Variants in SEC24B observed in about 807,000 individuals in gnomAD.
SEC24B encodes protein transport protein Sec24B.
In SEC24B, 45 loss-of-function variants were observed where a neutral mutation model predicts 142.8. The ratio of observed to expected loss-of-function variants is 0.32; its 90% confidence interval spans 0.25 to 0.40. The LOEUF (loss-of-function observed/expected upper bound fraction) is 0.40, where lower values mean the gene tolerates loss of function less well. SEC24B is among the 10% of genes least tolerant of loss of function. The pLI, the probability that SEC24B is intolerant of heterozygous loss-of-function variation, is 1.00. For missense variants in SEC24B, 1,409 were observed against 1,526.8 expected, an observed-to-expected ratio of 0.92 and a Z score of 1.29; for synonymous variants, 574 against 568.2, an observed-to-expected ratio of 1.01 and a Z score of -0.15.
Position 109,493,281 on chromosome 4 carries a change from GA to G in SEC24B, c.1247-1323del, listed in dbSNP as rs11368436. 3.2e-3 allele frequency among the ~76,000 whole-genome samples: 464 copies of G among 146,296 alleles called. 1 individual carries two copies. The highest frequency in any genetic ancestry group is 4.9e-3 in the Non-Finnish European group (322 of 65,976). On this transcript the variant is annotated intron_variant, in intron 5 of 23. Transcript: ENST00000265175. ...CCAATAAGGAGATGTGATTCTTCAA[GA>G]AAAAAAAAAATAGATTGATTCAGTT...
intron 19 of SEC24B, 119 bp from the exon 20 acceptor site, chr4:109,531,266 A>G: frequency 1.3e-6 from 1 of 799,348 alleles, no homozygotes; most frequent in Non-Finnish European, 2.0e-6. Flanking sequence ...TGAGAATTGA[A>G]TCTAGGTCTG....
rs145789013 is a variant in SEC24B, at chr4:109,459,119, C to T, written c.134-3782C>T. On this transcript the variant is annotated intron_variant, in intron 1 of 23. Transcript: ENST00000265175. ...TAATGCACTGTGTTGCTCTACTCTTCGAAAAAATAGTTCTTTCTTGGAATA... is the reference window on the plus strand; with the variant it reads ...TAATGCACTGTGTTGCTCTACTCTTTGAAAAAATAGTTCTTTCTTGGAATA... 6.6e-5 allele frequency among the ~76,000 whole-genome samples: 10 copies of T among 151,988 alleles called. 1 individual carries two copies. The highest frequency in any genetic ancestry group is 1.4e-4 in the African/African-American group (6 of 41,476).
intron 11 of SEC24B, among the ~76,000 whole-genome samples, chr4:109,518,900 A>G (rs1376870056): frequency 6.9e-6 from 1 of 144,748 alleles, no homozygotes; most frequent in Non-Finnish European, 1.5e-5. Context: ...TTGACCTCCC[A>G]GGCTCAAGTG....
At position 109,503,189 on chromosome 4, in the gene SEC24B, A is replaced by C. The variant is rs190389954; in HGVS notation, c.1489-3139A>C. On this transcript the variant is annotated intron_variant, in intron 6 of 23. Transcript: ENST00000265175. Reference sequence around the variant, plus strand: ...ATTCTCCTGCCTCAGACTCCCGAGTAGCTGGGACTACAGGCATGTGCCACT... The same window carrying C: ...ATTCTCCTGCCTCAGACTCCCGAGTCGCTGGGACTACAGGCATGTGCCACT... Among the ~76,000 whole-genome samples the C allele has an allele frequency of 8.4e-3, 1,269 of 150,640 alleles. 24 individuals are homozygous for C. The highest frequency in any genetic ancestry group is 0.03 in the African/African-American group (1,209 of 40,958).
At position 109,539,786 on chromosome 4, in the gene SEC24B, C is replaced by T. The variant is rs907198101; in HGVS notation, c.*111C>T. On this transcript the variant is annotated 3_prime_UTR_variant, in exon 24 of 24. Transcript: ENST00000265175. ...AGGCATTTGTTAATACAAGATGCAA[C>T]GCACAGCACTCTGTCTGAGGCTTTG... is the stretch of plus-strand genomic sequence containing the variant. 6.5e-5 allele frequency: 44 copies of T among 674,494 alleles called. No homozygotes were observed. In the Admixed American group the frequency reaches 7.7e-4, roughly 12 times the overall value. The allele number at this position is 674,494 out of a possible 1,614,324, so 41.8% of individuals were successfully genotyped here.
rs139064593 is a variant in SEC24B at position 109,494,741 on chromosome 4, C to A, written c.1373C>A (p.Pro458His). ...VVPQPSKMAK[P>H]FGYGYPTLQP... ...CCTCAGCCTTCAAAAATGGCTAAGC[C>A]TTTTGGCTATGGCTATCCAACACTT... The change falls in exon 6 of 24, where the codon CCT becomes CAT. Residue 458 changes from proline to histidine, a missense_variant. By Grantham distance (77) the Pro-to-His change is moderately conservative. Coordinates refer to ENST00000265175, the MANE Select transcript of SEC24B (RefSeq NM_006323.5). The A allele has an allele frequency of 6.2e-7, 1 of 1,614,212 alleles. No homozygotes were observed. Among genetic ancestry groups the A allele is most frequent in the East Asian group, 2.2e-5 (1 of 44,886 alleles).
chr4:109,498,432 G>A (rs936137101), intron 6 of SEC24B, among the ~76,000 whole-genome samples: 20 of 152,016 alleles, frequency 1.3e-4, no homozygotes, highest in East Asian at 7.7e-4. Flanking sequence ...ATCTCGGCTC[G>A]CGGCTCACTG....
intron 2 of SEC24B, among the ~76,000 whole-genome samples, chr4:109,467,503 A>G (rs1732073082): frequency 6.6e-6 from 1 of 152,172 alleles, no homozygotes; most frequent in African/African-American, 2.4e-5. Context: ...GTAACCTAGT[A>G]TAGAATTGTA....
At chr4:109,525,274 A>G in intron 15 of SEC24B, 72 bp from the exon 16 acceptor site, 1 of 1,259,510 alleles carries the variant, frequency 7.9e-7, no homozygotes, top group Non-Finnish European at 1.1e-6. Context: ...ATAATGTAGA[A>G]TCTGTACTAC....
intron 3 of SEC24B, among the ~76,000 whole-genome samples, chr4:109,476,590 GTTTTGCTTTA>G (rs1561107592): frequency 6.6e-6 from 1 of 152,116 alleles, no homozygotes; most frequent in Non-Finnish European, 1.5e-5. Flanking sequence ...GTATCATTCT[GTTTTGCTTTA>G]TTTTGCTTTT....
chr4:109,462,974 A>T lies in SEC24B; in HGVS notation c.207A>T (p.Gly69=), dbSNP rs1561085927. ...ATCAAAACTATATTGCTCCCTCAGG[A>T]CATTACTCTCAAGGACCTGGGAAAA... ...LHHQNYIAPS[G]HYSQGPGKMT... is the part of the protein sequence containing the mutation. Residue 69 remains glycine, a synonymous_variant, in exon 2 of 24, where the codon GGA becomes GGT. Coordinates refer to ENST00000265175, the MANE Select transcript of SEC24B (RefSeq NM_006323.5). The T allele has an allele frequency of 1.9e-6, 3 of 1,613,970 alleles. No homozygotes were observed. The highest frequency in any genetic ancestry group is 2.5e-6 in the Non-Finnish European group (3 of 1,180,016).
At position 109,527,135 on chromosome 4, in the gene SEC24B, C is replaced by G. The variant is rs941069442; in HGVS notation, c.2966-187C>G. ...TTGGGAGGCTGAGGCAGGAGAATCACTTGAACCTAGGAGACAGAAGTTGCA... is the reference window on the plus strand; with the variant it reads ...TTGGGAGGCTGAGGCAGGAGAATCAGTTGAACCTAGGAGACAGAAGTTGCA... On this transcript the variant is annotated intron_variant, in intron 17 of 23. Coordinates refer to ENST00000265175, the MANE Select transcript of SEC24B (RefSeq NM_006323.5). Among the ~76,000 whole-genome samples, 54 of 151,340 alleles carry G rather than the reference C, an allele frequency of 3.6e-4. 1 individual carries two copies. Among genetic ancestry groups the G allele is most frequent in the Middle Eastern group, 3.4e-3 (1 of 294 alleles).
At chr4:109,502,751 G>A (rs1736280037) in intron 6 of SEC24B, among the ~76,000 whole-genome samples, 1 of 152,150 alleles carries the variant, frequency 6.6e-6, no homozygotes, top group Admixed American at 6.6e-5. Flanking sequence ...GAGAAATAAT[G>A]TACCAATGTA....
Position 109,458,977 on chromosome 4 carries a change from AGT to A in SEC24B, c.134-3923_134-3922del, listed in dbSNP as rs552846578. 2.6e-3 allele frequency among the ~76,000 whole-genome samples: 397 copies of A among 152,328 alleles called. 1 individual carries two copies. Among genetic ancestry groups the A allele is most frequent in the African/African-American group, 9.0e-3 (373 of 41,574 alleles). Reference sequence around the variant, plus strand: ...ATTTTAGAAGTATTAAAATACCAGCAGTCTTTTCATACATGCTGCAGAATCAT... The same window carrying A: ...ATTTTAGAAGTATTAAAATACCAGCACTTTTCATACATGCTGCAGAATCAT... On this transcript the variant is annotated intron_variant, in intron 1 of 23. Transcript: ENST00000265175.
At chr4:109,439,474 A>ATT (rs70949077) in intron 1 of SEC24B, among the ~76,000 whole-genome samples, 4 of 43,996 alleles carry the variant, frequency 9.1e-5, no homozygotes, top group Non-Finnish European at 1.6e-4. Flanking sequence ...TCCTAAGCTG[A>ATT]TTTTTTTTTT....
At position 109,513,984 on chromosome 4, in the gene SEC24B, G is replaced by T. The variant is rs201932269; in HGVS notation, c.2013+128G>T. The T allele has an allele frequency of 5.0e-6, 3 of 599,250 alleles. No homozygotes were observed. In the East Asian group the frequency reaches 8.7e-5, roughly 17 times the overall value. 37.1% of individuals were successfully genotyped at this position (599,250 alleles called of 1,614,324 possible). On this transcript the variant is annotated intron_variant, in intron 10 of 23. Coordinates refer to ENST00000265175, the MANE Select transcript of SEC24B (RefSeq NM_006323.5). ...TCATAATTTTTAAAAACAAATTAATGCTGGAAGTTTATATTTAACAAAGAG... is the reference window on the plus strand; with the variant it reads ...TCATAATTTTTAAAAACAAATTAATTCTGGAAGTTTATATTTAACAAAGAG...
intron 7 of SEC24B, among the ~76,000 whole-genome samples, chr4:109,507,232 T>A (rs1578930129): frequency 6.6e-6 from 1 of 151,956 alleles, no homozygotes; most frequent in East Asian, 1.9e-4. Context: ...CTGGAATTTC[T>A]CCTCCTCATA....
At chr4:109,491,748 C>A (rs1168697690) in intron 5 of SEC24B, among the ~76,000 whole-genome samples, 1 of 151,848 alleles carries the variant, frequency 6.6e-6, no homozygotes, top group African/African-American at 2.4e-5. Flanking sequence ...AATTTGAATT[C>A]TTTTCAACCA....
At chr4:109,473,703 C>G (rs1732772081) in intron 3 of SEC24B, among the ~76,000 whole-genome samples, 2 of 152,278 alleles carry the variant, frequency 1.3e-5, no homozygotes, top group South Asian at 4.1e-4. Flanking sequence ...TAATATTCTC[C>G]ATGTGTTAAG....
Sources: gnomAD v4.1 joint callset for allele counts (sites outside exome capture counted in the v4.1 genomes callset) on GRCh38, gnomAD v4.1.1 for gene constraint, MANE v1.5 for transcripts, NCBI Gene and HGNC (gene_info 2026-07-23, HGNC 2026-07-21) for gene names.